Variants in DPP10 observed in about 807,000 individuals in gnomAD.
The protein encoded by DPP10 is dipeptidyl peptidase like 10.
DPP10 carries 33 observed loss-of-function variants against 120.9 expected under a neutral mutation model. That is an observed-to-expected ratio of 0.27 (90% CI 0.21 to 0.37). The LOEUF is 0.37. Among genes scored for constraint, DPP10 ranks in the 10% least tolerant of loss-of-function variants. DPP10 has a pLI of 1.00. For missense variants in DPP10, 816 were observed against 942.8 expected (o/e 0.87, Z 1.76); for synonymous variants, 337 against 326.1 (o/e 1.03, Z -0.36).
chr2:115,769,151 A>G lies in DPP10; in HGVS notation c.1221+747A>G, dbSNP rs1292586002. The stretch of plus-strand genomic sequence containing the variant: ...AAAATAAAGCATCCTTCAAAATCAT[A>G]TAATAAATAATCTAGTCTCACACAC... On this transcript the variant is annotated intron_variant, in intron 13 of 25. Transcript: ENST00000410059. 2.0e-5 allele frequency among the ~76,000 whole-genome samples: 3 copies of G among 152,196 alleles called. 1 individual carries two copies. Among genetic ancestry groups the G allele is most frequent in the South Asian group, 4.1e-4 (2 of 4,830 alleles).
intron 5 of DPP10, among the ~76,000 whole-genome samples, chr2:115,640,211 C>G (rs751752834): frequency 2.0e-5 from 3 of 152,016 alleles, no homozygotes; most frequent in African/African-American, 7.2e-5. Flanking sequence ...TAAACTAAGT[C>G]TGTGTGGATT....
At chr2:115,101,439 T>A (rs2104621330) in intron 1 of DPP10, among the ~76,000 whole-genome samples, 1 of 152,320 alleles carries the variant, frequency 6.6e-6, no homozygotes, top group African/African-American at 2.4e-5. Context: ...ATTGTGATTC[T>A]CCTGTCAGAG....
At chr2:115,166,895 T>C (rs893814291) in intron 1 of DPP10, among the ~76,000 whole-genome samples, 1 of 152,186 alleles carries the variant, frequency 6.6e-6, no homozygotes, top group African/African-American at 2.4e-5. Context: ...TTACTACTTA[T>C]AGGCACATTT....
At chr2:114,905,990 A>G (rs1693928311) in intron 1 of DPP10, among the ~76,000 whole-genome samples, 2 of 152,184 alleles carry the variant, frequency 1.3e-5, no homozygotes. Context: ...TACACATAGG[A>G]TAATTTACTT....
intron 5 of DPP10, among the ~76,000 whole-genome samples, chr2:115,613,184 T>C (rs912398357): frequency 1.3e-5 from 2 of 152,164 alleles, no homozygotes; most frequent in Non-Finnish European, 2.9e-5. Context: ...TTTATATAGA[T>C]AGAAAGGGAA....
At chr2:115,072,376 T>G (rs1707437292) in intron 1 of DPP10, among the ~76,000 whole-genome samples, 1 of 152,230 alleles carries the variant, frequency 6.6e-6, no homozygotes, top group Non-Finnish European at 1.5e-5. Context: ...AAGCTATTCT[T>G]TACTCTGTTG....
intron 19 of DPP10, among the ~76,000 whole-genome samples, chr2:115,809,868 A>C (rs1172547233): frequency 1.2e-4 from 18 of 152,204 alleles, no homozygotes; most frequent in Admixed American, 1.2e-3. Flanking sequence ...AAGAGCTTTC[A>C]AAAATGTACT....
chr2:115,623,688 T>G (rs2085145008), intron 5 of DPP10, among the ~76,000 whole-genome samples: 1 of 152,106 alleles, frequency 6.6e-6, no homozygotes, highest in South Asian at 2.1e-4. Context: ...AAAGAACTGT[T>G]AGAACAGATC....
At chr2:114,779,874 C>T (rs183670295) in intron 1 of DPP10, among the ~76,000 whole-genome samples, 6 of 151,988 alleles carry the variant, frequency 3.9e-5, no homozygotes, top group Admixed American at 2.6e-4. Flanking sequence ...CGGTGGCTCA[C>T]GCCTGTCATC....
At chr2:114,959,801 G>T (rs977894199) in intron 1 of DPP10, among the ~76,000 whole-genome samples, 2 of 152,090 alleles carry the variant, frequency 1.3e-5, no homozygotes, top group African/African-American at 2.4e-5. Flanking sequence ...GTTTTGGTTC[G>T]CAGTTTTCTA....
chr2:114,822,176 T>C (rs1238794560), intron 1 of DPP10, among the ~76,000 whole-genome samples: 1 of 152,174 alleles, frequency 6.6e-6, no homozygotes, highest in African/African-American at 2.4e-5. Flanking sequence ...AGATGTTTTT[T>C]TACATCCTCT....
intron 1 of DPP10, among the ~76,000 whole-genome samples, chr2:114,645,625 C>T (rs1053408191): frequency 1.3e-5 from 2 of 152,178 alleles, no homozygotes; most frequent in South Asian, 4.1e-4. Flanking sequence ...GTAGTATCCT[C>T]ACCTGTCTAC....
intron 1 of DPP10, among the ~76,000 whole-genome samples, chr2:114,494,622 A>AG (rs879905937): frequency 5.3e-5 from 8 of 152,164 alleles, no homozygotes; most frequent in Non-Finnish European, 1.0e-4. Flanking sequence ...TCATACCTAC[A>AG]TTGTGCCTAT....
chr2:115,762,532 G>A (rs375256142), intron 11 of DPP10, 40 bp from the exon 12 acceptor site: 16 of 1,610,194 alleles, frequency 9.9e-6, no homozygotes, highest in Non-Finnish European at 1.4e-5. Flanking sequence ...TGCTCATTTT[G>A]GTCTTTAGAT....
rs560094719 is a variant in DPP10, at chr2:114,965,126, ACTTT to A, written c.61-344092_61-344089del. ...GGAAGTGGTAAGAGTTCAGTTTGGG[ACTTT>A]CTTTCTTTCTTTCTTTCTTTTTTTT... On this transcript the variant is annotated intron_variant, in intron 1 of 25. Coordinates refer to ENST00000410059, the MANE Select transcript of DPP10 (RefSeq NM_020868.6). Among the ~76,000 whole-genome samples the A allele has an allele frequency of 4.1e-4, 62 of 151,542 alleles. No homozygotes were observed. In the East Asian group the frequency reaches 6.8e-3, roughly 17 times the overall value.
intron 1 of DPP10, among the ~76,000 whole-genome samples, chr2:114,444,598 G>T (rs1170949108): frequency 1.3e-5 from 2 of 152,060 alleles, no homozygotes; most frequent in Non-Finnish European, 2.9e-5. Context: ...TGTTTCTAGT[G>T]TAGAGGTTTT....
At chr2:115,374,843 G>C (rs1559501510) in intron 3 of DPP10, among the ~76,000 whole-genome samples, 1 of 152,208 alleles carries the variant, frequency 6.6e-6, no homozygotes, top group African/African-American at 2.4e-5. Flanking sequence ...CTGGGATGTA[G>C]GGTGCCACGT....
intron 1 of DPP10, among the ~76,000 whole-genome samples, chr2:115,032,851 C>T (rs1299341299): frequency 1.3e-5 from 2 of 149,180 alleles, no homozygotes; most frequent in Non-Finnish European, 3.0e-5. Flanking sequence ...CGCCATTGTA[C>T]TCCAGCCTGG....
At chr2:115,805,415 C>T (rs1442529040) in intron 19 of DPP10, among the ~76,000 whole-genome samples, 5 of 152,082 alleles carry the variant, frequency 3.3e-5, no homozygotes, top group Non-Finnish European at 7.4e-5. Flanking sequence ...TTGGCTCACA[C>T]AGGGTGCGCT....
Sources: gnomAD v4.1 joint callset for allele counts (sites outside exome capture counted in the v4.1 genomes callset) on GRCh38, gnomAD v4.1.1 for gene constraint, MANE v1.5 for transcripts, NCBI Gene and HGNC (gene_info 2026-07-23, HGNC 2026-07-21) for gene names.